The following LPP variants were observed in gnomAD, a reference collection of about 807,000 sequenced individuals.
The protein encoded by LPP is lipoma-preferred partner.
A neutral mutation model predicts 60.4 loss-of-function variants in LPP; 38 were observed. The ratio of observed to expected loss-of-function variants is 0.63; its 90% CI spans 0.49 to 0.83. LPP has a LOEUF of 0.83. LPP is among the 40% of genes least tolerant of loss of function. The probability of loss-of-function intolerance (pLI) is 0.00; values close to 1 mark genes in which losing one functional copy is unlikely to be tolerated. For synonymous variants in LPP, 328 were observed against 290.8 expected (o/e 1.13, Z -1.30); for missense variants, 902 against 783.6 (o/e 1.15, Z -1.80).
chr3:188,733,173 C>T (rs932750876), intron 8 of LPP, among the ~76,000 whole-genome samples: 16 of 152,148 alleles, frequency 1.1e-4, no homozygotes, highest in African/African-American at 3.6e-4. Flanking sequence ...TCATATGTGA[C>T]TGTGGATGGG....
chr3:188,778,645 T>C (rs1738583980), intron 9 of LPP, among the ~76,000 whole-genome samples: 2 of 152,082 alleles, frequency 1.3e-5, no homozygotes, highest in Non-Finnish European at 2.9e-5. Flanking sequence ...GGAAATTTCC[T>C]AAAAATGCCA....
chr3:188,512,878 GA>G (rs766657853), intron 5 of LPP, among the ~76,000 whole-genome samples: 2 of 152,182 alleles, frequency 1.3e-5, no homozygotes, highest in South Asian at 2.1e-4. Context: ...TTACCAAAAT[GA>G]AAAATAAGAA....
intron 4 of LPP, among the ~76,000 whole-genome samples, chr3:188,449,170 T>C (rs1205366411): frequency 6.6e-6 from 1 of 152,254 alleles, no homozygotes; most frequent in Non-Finnish European, 1.5e-5. Context: ...CATGAATATT[T>C]CTGCTCTTTC....
chr3:188,660,043 A>G (rs1379896360), intron 7 of LPP, among the ~76,000 whole-genome samples: 1 of 152,166 alleles, frequency 6.6e-6, no homozygotes, highest in Non-Finnish European at 1.5e-5. Context: ...ATGGAATGGC[A>G]CAGAGCACAG....
intron 4 of LPP, among the ~76,000 whole-genome samples, chr3:188,412,375 TG>T (rs1327820775): frequency 6.6e-6 from 1 of 152,188 alleles, no homozygotes; most frequent in African/African-American, 2.4e-5. Flanking sequence ...GTGATCATTT[TG>T]GTGGAATCCT....
chr3:188,689,591 C>G (rs1050573926), intron 7 of LPP, among the ~76,000 whole-genome samples: 6 of 152,284 alleles, frequency 3.9e-5, no homozygotes, highest in African/African-American at 1.4e-4. Context: ...TTATTTCACT[C>G]AACATAATGT....
chr3:188,407,776 TTTTGTTTGTTTG>T (rs1348788806), intron 4 of LPP, among the ~76,000 whole-genome samples: 1 of 59,850 alleles, frequency 1.7e-5, no homozygotes, highest in African/African-American at 4.1e-5. Flanking sequence ...TGGTTTTTTT[TTTTGTTTGTTTG>T]TTTTTTTTTT....
intron 5 of LPP, among the ~76,000 whole-genome samples, chr3:188,487,965 C>A (rs1477594783): frequency 6.6e-6 from 1 of 151,734 alleles, no homozygotes; most frequent in African/African-American, 2.4e-5. Context: ...TTTAGTCCAA[C>A]TCTGGCGCCA....
At chr3:188,563,011 C>T (rs910661419) in intron 6 of LPP, among the ~76,000 whole-genome samples, 7 of 151,874 alleles carry the variant, frequency 4.6e-5, no homozygotes, top group African/African-American at 1.7e-4. Context: ...TGTTCATTAT[C>T]ACATCAAGTC....
chr3:188,681,020 CAG>C (rs1408455389), intron 7 of LPP, among the ~76,000 whole-genome samples: 7 of 135,056 alleles, frequency 5.2e-5, no homozygotes, highest in Non-Finnish European at 1.1e-4. Flanking sequence ...TTTTGTGAGA[CAG>C]AGTCTCGCCC....
At chr3:188,535,769 C>G (rs542326824) in intron 6 of LPP, among the ~76,000 whole-genome samples, 1 of 152,212 alleles carries the variant, frequency 6.6e-6, no homozygotes, top group South Asian at 2.1e-4. Context: ...TATATCAATT[C>G]TGTTACTGTT....
intron 1 of LPP, among the ~76,000 whole-genome samples, chr3:188,209,050 C>T (rs1734024758): frequency 6.6e-6 from 1 of 152,192 alleles, no homozygotes; most frequent in South Asian, 2.1e-4. Context: ...CTATTTTAAT[C>T]TCCAATTTTC....
intron 8 of LPP, chr3:188,709,974 G>A (rs183291941): frequency 5.9e-5 from 9 of 152,130 alleles, no homozygotes; most frequent in Admixed American, 3.3e-4. Flanking sequence ...CTCATCCAGG[G>A]TGATAAGCAT....
intron 6 of LPP, among the ~76,000 whole-genome samples, chr3:188,577,763 T>TCCTTCCTTCTGTCCTTC (rs1431444830): frequency 1.5e-4 from 21 of 143,582 alleles, no homozygotes; most frequent in Non-Finnish European, 4.6e-5. Context: ...GTTCCTTCGT[T>TCCTTCCTTCTGTCCTTC]CCTTCCTTCC....
rs1021600537 is a variant in LPP, at chr3:188,352,244, T to C, written c.-10+10525T>C. ...AAAATAGCTTATGATCTATGGGACT[T>C]GGTATTAAGCAAGATGATATTAACG... On this transcript the variant is annotated intron_variant, in intron 3 of 11. Coordinates refer to ENST00000617246, the MANE Select transcript of LPP (RefSeq NM_001375462.1). This position sits in a 1 kb window ranked among gnomAD's most constrained non-coding sequence, Gnocchi z 4.4. Among the ~76,000 whole-genome samples the C allele has an allele frequency of 6.6e-6, 1 of 152,152 alleles. No individual in the cohort carries two copies. The highest frequency in any genetic ancestry group is 2.4e-5 in the African/African-American group (1 of 41,428).
chr3:188,535,179 G>C (rs1464402327), intron 6 of LPP, among the ~76,000 whole-genome samples: 1 of 152,152 alleles, frequency 6.6e-6, no homozygotes, highest in Non-Finnish European at 1.5e-5. Flanking sequence ...ATGCACCTAA[G>C]TTATGGGGTC....
chr3:188,825,690 A>C (rs1343532164), intron 9 of LPP, among the ~76,000 whole-genome samples: 1 of 152,170 alleles, frequency 6.6e-6, no homozygotes, highest in Non-Finnish European at 1.5e-5. Context: ...CCTCCTTTGC[A>C]AACCTTTACC....
intron 1 of LPP, among the ~76,000 whole-genome samples, chr3:188,162,542 G>T (rs1353872619): frequency 6.6e-6 from 1 of 152,172 alleles, no homozygotes; most frequent in South Asian, 2.1e-4. Flanking sequence ...AAAGATCTGG[G>T]CTTCACCATA....
intron 2 of LPP, among the ~76,000 whole-genome samples, chr3:188,315,242 T>G (rs1371228261): frequency 6.6e-6 from 1 of 152,164 alleles, no homozygotes; most frequent in African/African-American, 2.4e-5. Flanking sequence ...TATGGTTATA[T>G]TTCACATTAT....
Sources: allele counts gnomAD v4.1 joint callset (sites outside exome capture counted in the v4.1 genomes callset), GRCh38; gene constraint gnomAD v4.1.1; non-coding constraint Gnocchi (gnomAD v3.1); transcripts MANE v1.5; gene names NCBI Gene and HGNC (gene_info 2026-07-23, HGNC 2026-07-21).